TTC28: variants seen among roughly 807,000 people sequenced by gnomAD.
TTC28 encodes tetratricopeptide repeat protein 28.
A neutral mutation model predicts 198.0 loss-of-function variants in TTC28; 61 were observed. The observed-to-expected ratio is 0.31, with a 90% CI of 0.25 to 0.38. TTC28 has a LOEUF of 0.38. TTC28 is among the 10% of genes least tolerant of loss of function. TTC28 has a pLI of 1.00. For missense variants in TTC28, 2,678 were observed against 3,164.0 expected (o/e 0.85, Z 3.69); for synonymous variants, 1,171 against 1,297.8 (o/e 0.90, Z 2.10).
At chr22:28,623,379 AAT>A (rs1192157304) in intron 2 of TTC28, among the ~76,000 whole-genome samples, 1 of 152,222 alleles carries the variant, frequency 6.6e-6, no homozygotes. Flanking sequence ...ATAGAGCTTC[AAT>A]ATATATGAAG....
At chr22:28,626,597 T>C (rs546549647) in intron 2 of TTC28, among the ~76,000 whole-genome samples, 115 of 152,058 alleles carry the variant, frequency 7.6e-4, no homozygotes, top group Non-Finnish European at 1.0e-3. Context: ...GAAAAATAAG[T>C]ATAAAATCAA....
rs1569208646 is a variant in TTC28 at position 28,225,122 on chromosome 22, C to CGG, written c.934-61524_934-61523insCC. Among the ~76,000 whole-genome samples the CGG allele has an allele frequency of 4.6e-3, 694 of 152,132 alleles. 4 individuals are homozygous for CGG. The highest frequency in any genetic ancestry group is 0.015 in the African/African-American group (622 of 41,514). On this transcript the variant is annotated intron_variant, in intron 5 of 22. Coordinates refer to ENST00000397906, the MANE Select transcript of TTC28 (RefSeq NM_001145418.2). ...GGGCACAATGGCTCACCTGTAATCC[C>CGG]AGCACTTTGGGAGGCCGAGGTCAGG...
In TTC28 at chr22:27,985,361, AG is replaced by A; in HGVS notation, c.5708-6del. ...CAACTTCACAGAGATCAAAACCTAG[AG>A]GAACAAAGAATATAAGCATCTGCTT... On this transcript the variant is annotated splice_region_variant and splice_polypyrimidine_tract_variant and intron_variant, in intron 21 of 22. Coordinates refer to ENST00000397906, the MANE Select transcript of TTC28 (RefSeq NM_001145418.2). The A allele has an allele frequency of 6.5e-7, 1 of 1,548,058 alleles. No individual in the cohort carries two copies. The highest frequency in any genetic ancestry group is 8.7e-7 in the Non-Finnish European group (1 of 1,143,974).
rs1937001603 is a variant in TTC28, at chr22:27,981,229, A to ATTTTTTTTTTT, written c.*991_*992insAAAAAAAAAAA. Reference sequence around the variant, plus strand: ...CTGGTTAAATCTAGTTAGCCATGGAAATTTTTTTTTTTTTTTTTTTTTTTT... The same window carrying ATTTTTTTTTTT: ...CTGGTTAAATCTAGTTAGCCATGGAATTTTTTTTTTTATTTTTTTTTTTTTTTTTTTTTTTT... On this transcript the variant is annotated 3_prime_UTR_variant, in exon 23 of 23. Transcript: ENST00000397906. 2.1e-4 allele frequency: 15 copies of ATTTTTTTTTTT among 72,732 alleles called. 1 individual carries two copies. Among genetic ancestry groups the ATTTTTTTTTTT allele is most frequent in the African/African-American group, 2.9e-4 (6 of 20,466 alleles). 4.5% of individuals were successfully genotyped at this position (72,732 alleles called of 1,614,324 possible).
At chr22:28,029,546 A>G (rs1938987431) in intron 13 of TTC28, among the ~76,000 whole-genome samples, 1 of 152,212 alleles carries the variant, frequency 6.6e-6, no homozygotes, top group African/African-American at 2.4e-5. Context: ...GTTGCCAGGC[A>G]ACCAAACAAC....
chr22:28,212,354 GA>G lies in TTC28; in HGVS notation c.934-48756del, dbSNP rs1927052668. 2.0e-5 allele frequency among the ~76,000 whole-genome samples: 3 copies of G among 150,822 alleles called. No homozygotes were observed. In the South Asian group the frequency reaches 6.5e-4, roughly 32 times the overall value. The stretch of plus-strand genomic sequence containing the variant: ...AATCCAGGAGCTGGTTTTTTGAAAA[GA>G]TCAACAAAATTGAGAGACCGCTAGC... On this transcript the variant is annotated intron_variant, in intron 5 of 22. Transcript: ENST00000397906.
intron 2 of TTC28, among the ~76,000 whole-genome samples, chr22:28,421,175 T>A (rs545652930): frequency 6.6e-6 from 1 of 152,188 alleles, no homozygotes; most frequent in Non-Finnish European, 1.5e-5. Flanking sequence ...TTTCCTTTTA[T>A]CATGGTTCAG....
Position 28,103,256 on chromosome 22 carries a change from A to T in TTC28, c.3308-1976T>A, listed in dbSNP as rs149442369. Among the ~76,000 whole-genome samples the T allele has an allele frequency of 3.3e-3, 508 of 152,318 alleles. 1 individual carries two copies. The highest frequency in any genetic ancestry group is 0.013 in the South Asian group (63 of 4,826). On this transcript the variant is annotated intron_variant, in intron 8 of 22. Coordinates refer to ENST00000397906, the MANE Select transcript of TTC28 (RefSeq NM_001145418.2). ...GTTTGTCAGGGACTGGTTCCAGGAA[A>T]GTCACCAAATTGATCCACGCTCCCT...
At chr22:28,648,557 C>G (rs936139863) in intron 1 of TTC28, among the ~76,000 whole-genome samples, 122 of 152,160 alleles carry the variant, frequency 8.0e-4, no homozygotes, top group African/African-American at 2.6e-3. Flanking sequence ...GTTTATTGCC[C>G]CACAATTCAC....
rs1174276174 is a variant in TTC28 at position 28,266,470 on chromosome 22, G to A, written c.933+29728C>T. On this transcript the variant is annotated intron_variant, in intron 5 of 22. Coordinates refer to ENST00000397906, the MANE Select transcript of TTC28 (RefSeq NM_001145418.2). ...TTCACTCCTTCCAATAGGGATGTGG[G>A]TTGACTCTGGGTTCAGCCTCGTTCC... Among the ~76,000 whole-genome samples, 3 of 152,280 alleles carry A rather than the reference G, an allele frequency of 2.0e-5. No homozygotes were observed. In the South Asian group the frequency reaches 6.2e-4, roughly 32 times the overall value.
intron 12 of TTC28, among the ~76,000 whole-genome samples, chr22:28,067,156 T>A (rs996121336): frequency 6.6e-6 from 1 of 152,332 alleles, no homozygotes; most frequent in South Asian, 2.1e-4. Flanking sequence ...AGGTATTATG[T>A]GTATTGTTAC....
chr22:28,529,287 G>A (rs558647458), intron 2 of TTC28, among the ~76,000 whole-genome samples: 55 of 152,278 alleles, frequency 3.6e-4, no homozygotes, highest in Non-Finnish European at 6.2e-4. Context: ...ATGGTCCCAC[G>A]CCCACGGAGC....
At chr22:28,416,648 T>TAG (rs1569313757) in intron 2 of TTC28, among the ~76,000 whole-genome samples, 1 of 138,230 alleles carries the variant, frequency 7.2e-6, no homozygotes, top group African/African-American at 2.4e-5. Flanking sequence ...TCCACCAACA[T>TAG]GACTTGGCTC....
At chr22:28,009,747 G>C (rs796363263) in intron 14 of TTC28, among the ~76,000 whole-genome samples, 5 of 152,364 alleles carry the variant, frequency 3.3e-5, no homozygotes, top group African/African-American at 1.2e-4. Context: ...CCCTGGCCCA[G>C]ATTTTCACCT....
At chr22:28,169,922 AG>A (rs1379004546) in intron 5 of TTC28, among the ~76,000 whole-genome samples, 5 of 152,230 alleles carry the variant, frequency 3.3e-5, no homozygotes, top group Admixed American at 2.6e-4. Context: ...AAAATTTTGC[AG>A]GTTGCTTGTA....
intron 2 of TTC28, among the ~76,000 whole-genome samples, chr22:28,592,629 C>T (rs2050453784): frequency 6.6e-6 from 1 of 152,166 alleles, no homozygotes; most frequent in South Asian, 2.1e-4. Context: ...AATGACGATC[C>T]TTCCATTTCA....
At chr22:28,340,740 C>A (rs2045815771) in intron 2 of TTC28, among the ~76,000 whole-genome samples, 1 of 152,134 alleles carries the variant, frequency 6.6e-6, no homozygotes. Flanking sequence ...GAGTCACAAT[C>A]CTCTTTAATT....
At chr22:28,484,274 A>AT (rs1228549263) in intron 2 of TTC28, among the ~76,000 whole-genome samples, 2 of 152,022 alleles carry the variant, frequency 1.3e-5, no homozygotes, top group African/African-American at 4.8e-5. Flanking sequence ...TGCCAGGCTA[A>AT]TTTTTAAGAT....
At chr22:28,058,382 T>C (rs1015927546) in intron 12 of TTC28, among the ~76,000 whole-genome samples, 1 of 152,130 alleles carries the variant, frequency 6.6e-6, no homozygotes, top group Non-Finnish European at 1.5e-5. Flanking sequence ...AGAAGTCAAT[T>C]TGGGAAGAGC....
Sources: allele counts gnomAD v4.1 joint callset (sites outside exome capture counted in the v4.1 genomes callset), GRCh38; gene constraint gnomAD v4.1.1; transcripts MANE v1.5; gene names NCBI Gene and HGNC (gene_info 2026-07-23, HGNC 2026-07-21).